Variants in PUDP observed in about 807,000 individuals in gnomAD.
PUDP encodes the protein pseudouridine 5'-phosphatase, also known as pseudouridine-5'-phosphatase.
In PUDP, 8 loss-of-function variants were observed where a neutral mutation model predicts 9.4. That is an observed-to-expected ratio of 0.85 (90% CI 0.50 to 1.53). PUDP has a LOEUF of 1.53. Among genes scored for constraint, PUDP ranks in the 40% most tolerant of loss-of-function variants. The pLI, the probability that PUDP is intolerant of heterozygous loss-of-function variation, is 0.00. For synonymous variants in PUDP, 99 were observed against 80.7 expected, an observed-to-expected ratio of 1.23 and a Z score of -1.22; for missense variants, 188 against 189.7, an observed-to-expected ratio of 0.99 and a Z score of 0.05.
chrX:6,902,534 G>T (rs758757143), intron 3 of PUDP, among the ~76,000 whole-genome samples: 8 of 112,475 alleles, frequency 7.1e-5, no homozygotes, highest in Non-Finnish European at 1.5e-4. Flanking sequence ...CTTAGCTGAG[G>T]GGAAGAGGTA....
chrX:7,064,109 T>C (rs1930480724), intron 3 of PUDP, among the ~76,000 whole-genome samples: 1 of 111,758 alleles, frequency 8.9e-6, no homozygotes, highest in African/African-American at 3.3e-5. Context: ...AGAAAAACAG[T>C]ACGTATTCAA....
At chrX:6,921,766 C>T (rs1471611204) in intron 3 of PUDP, among the ~76,000 whole-genome samples, 1 of 110,372 alleles carries the variant, frequency 9.1e-6, no homozygotes, top group Admixed American at 9.8e-5. Context: ...AAAGAGAACC[C>T]TCCCTCCATT....
At chrX:6,970,020 G>A (rs757931032) in intron 3 of PUDP, among the ~76,000 whole-genome samples, 2 of 111,687 alleles carry the variant, frequency 1.8e-5, no homozygotes, top group African/African-American at 6.5e-5. Flanking sequence ...GGCATAAAAC[G>A]TGTGGGGTTT....
chrX:6,747,850 C>CTTTA (rs754229150), intron 3 of PUDP, among the ~76,000 whole-genome samples: 3 of 112,145 alleles, frequency 2.7e-5, no homozygotes, highest in Non-Finnish European at 5.6e-5. Context: ...CTTCATGCGT[C>CTTTA]TTTATTTTTA....
At chrX:6,993,471 A>G (rs1929212956) in intron 1 of PUDP, among the ~76,000 whole-genome samples, 1 of 111,924 alleles carries the variant, frequency 8.9e-6, no homozygotes, top group African/African-American at 3.3e-5. Flanking sequence ...TTGTGAAAAT[A>G]TAGGAGAGGG....
intron 1 of PUDP, among the ~76,000 whole-genome samples, chrX:7,143,493 ATTT>A (rs1438463371): frequency 8.9e-6 from 1 of 112,202 alleles, no homozygotes; most frequent in Non-Finnish European, 1.9e-5. Context: ...AACTCTTATT[ATTT>A]ATCTGCAGAA....
intron 3 of PUDP, among the ~76,000 whole-genome samples, chrX:6,852,930 C>A (rs989459267): frequency 3.6e-5 from 4 of 111,198 alleles, no homozygotes; most frequent in Non-Finnish European, 5.7e-5. Context: ...AAAGGGTTAC[C>A]ACTTTTACAG....
At chrX:6,812,182 A>G (rs1926154757) in intron 3 of PUDP, among the ~76,000 whole-genome samples, 3 of 112,179 alleles carry the variant, frequency 2.7e-5, no homozygotes, top group Non-Finnish European at 1.9e-5. Context: ...AGGTGTGCAC[A>G]GACAGTCTCT....
chrX:7,053,288 T>C (rs1010568273), intron 3 of PUDP, among the ~76,000 whole-genome samples: 1 of 111,234 alleles, frequency 9.0e-6, no homozygotes, highest in African/African-American at 3.3e-5. Flanking sequence ...GGGAAATCAG[T>C]AGCTGACTGT....
At chrX:7,117,093 T>A (rs1932218062) in intron 1 of PUDP, 2 of 1,154,983 alleles carry the variant, frequency 1.7e-6, no homozygotes, top group African/African-American at 3.6e-5. Flanking sequence ...ACTCAGCCAT[T>A]TCTTTAAGGC....
chrX:6,848,704 T>C (rs1038568192), intron 3 of PUDP, among the ~76,000 whole-genome samples: 1 of 111,798 alleles, frequency 8.9e-6, no homozygotes, highest in Non-Finnish European at 1.9e-5. Context: ...AGCCATCCCT[T>C]TGGTGATAAG....
At chrX:7,146,295 C>G (rs1017707409) in intron 1 of PUDP, among the ~76,000 whole-genome samples, 3 of 111,884 alleles carry the variant, frequency 2.7e-5, no homozygotes, top group Non-Finnish European at 5.6e-5. Flanking sequence ...AATCTAGAAT[C>G]AGAATTAGGC....
Position 6,874,126 on chromosome X carries a change from C to A in PUDP, c.*247+103007G>T, listed in dbSNP as rs776552369. ...TCCAGCCTGGGCACCAGAGAGAGAC[C>A]CCATCTCTTAAAAAAAAAAGAAAGA... On this transcript the variant is annotated intron_variant and NMD_transcript_variant, in intron 3 of 3. Transcript: ENST00000655425. 3.4e-5 allele frequency among the ~76,000 whole-genome samples: 3 copies of A among 87,034 alleles called. No individual in the cohort carries two copies. The South Asian group carries it at 1.5e-3, about 45-fold the overall frequency. The allele number at this position is 87,034 out of a possible 115,157, so 75.6% of individuals were successfully genotyped here. A position where few individuals can be genotyped will look rare whatever the true frequency, so the allele number is the denominator to read the frequency against.
chrX:7,131,524 T>A (rs1008727473), intron 1 of PUDP, among the ~76,000 whole-genome samples: 39 of 109,833 alleles, frequency 3.6e-4, no homozygotes, highest in African/African-American at 1.1e-3. Context: ...ACCGGAGCGA[T>A]GCAGCTACAA....
At chrX:7,094,798 G>A (rs1363203289) in intron 2 of PUDP, among the ~76,000 whole-genome samples, 1 of 112,113 alleles carries the variant, frequency 8.9e-6, no homozygotes, top group Non-Finnish European at 1.9e-5. Flanking sequence ...AAACGGAAAA[G>A]GAACACAGCG....
chrX:7,047,211 T>C (rs1268436113), downstream of PUDP, among the ~76,000 whole-genome samples: 5 of 112,106 alleles, frequency 4.5e-5, no homozygotes, highest in African/African-American at 1.3e-4. Context: ...GTCCCTTGTG[T>C]TTTCCATGGT....
chrX:6,956,408 A>G (rs1468131435), intron 3 of PUDP, among the ~76,000 whole-genome samples: 5 of 111,474 alleles, frequency 4.5e-5, no homozygotes, highest in Non-Finnish European at 9.4e-5. Flanking sequence ...GGGCAAAAAA[A>G]AAAAAATCAA....
At chrX:7,102,984 C>T (rs1489477624) in intron 2 of PUDP, among the ~76,000 whole-genome samples, 1 of 111,835 alleles carries the variant, frequency 8.9e-6, no homozygotes, top group Non-Finnish European at 1.9e-5. Context: ...AATATTAAGA[C>T]ATTCATAGCA....
intron 1 of PUDP, among the ~76,000 whole-genome samples, chrX:7,012,811 T>G (rs1929496368): frequency 9.0e-6 from 1 of 111,363 alleles, no homozygotes; most frequent in Non-Finnish European, 1.9e-5. Context: ...GTCCTGCTCC[T>G]AACTCATCAG....
Sources: gnomAD v4.1 joint callset for allele counts (sites outside exome capture counted in the v4.1 genomes callset) on GRCh38, gnomAD v4.1.1 for gene constraint, MANE v1.5 for transcripts, NCBI Gene and HGNC (gene_info 2026-07-23, HGNC 2026-07-21) for gene names.